The following PTPRM variants were observed in gnomAD, a reference collection of about 807,000 sequenced individuals.
PTPRM encodes the protein protein tyrosine phosphatase receptor type M, also known as receptor-type tyrosine-protein phosphatase mu.
In PTPRM, 47 loss-of-function variants were observed where a neutral mutation model predicts 186.7. That is an observed-to-expected ratio of 0.25 (90% CI 0.20 to 0.32). PTPRM has a LOEUF of 0.32. Ranked by LOEUF, PTPRM falls within the 10% of genes least tolerant of loss-of-function variation. The pLI, the probability that PTPRM is intolerant of heterozygous loss-of-function variation, is 1.00. For synonymous variants in PTPRM, 668 were observed against 674.9 expected, an observed-to-expected ratio of 0.99 and a Z score of 0.16; for missense variants, 1,494 against 1,865.0, an observed-to-expected ratio of 0.80 and a Z score of 3.66.
At chr18:7,618,564 A>C (rs2037861787) in intron 1 of PTPRM, among the ~76,000 whole-genome samples, 4 of 152,186 alleles carry the variant, frequency 2.6e-5, no homozygotes, top group South Asian at 2.1e-4. Context: ...AAAAAAACCC[A>C]AAAATAAATC....
chr18:7,794,608 A>C (rs1338701453), intron 2 of PTPRM, among the ~76,000 whole-genome samples: 1 of 152,232 alleles, frequency 6.6e-6, no homozygotes, highest in Non-Finnish European at 1.5e-5. Flanking sequence ...GAGTAAGATT[A>C]AAAGTAGAAT....
chr18:8,243,353 A>AT (rs553058214), intron 14 of PTPRM, among the ~76,000 whole-genome samples: 87 of 152,142 alleles, frequency 5.7e-4, no homozygotes, highest in South Asian at 1.9e-3. Context: ...GCGACATGAC[A>AT]TTTTTTAACC....
intron 1 of PTPRM, among the ~76,000 whole-genome samples, chr18:7,609,271 T>G (rs1056009925): frequency 5.9e-5 from 9 of 152,176 alleles, no homozygotes; most frequent in Non-Finnish European, 1.2e-4. Context: ...TTTGCATAGC[T>G]GTAAATGATG....
chr18:7,648,256 T>G (rs1349438598), intron 1 of PTPRM, among the ~76,000 whole-genome samples: 2 of 152,186 alleles, frequency 1.3e-5, no homozygotes, highest in Admixed American at 1.3e-4. Flanking sequence ...TTTTCACTCC[T>G]CTGCTGCTGG....
chr18:8,285,702 C>A lies in PTPRM; in HGVS notation c.2755-10666C>A, dbSNP rs181621754. Among the ~76,000 whole-genome samples the A allele has an allele frequency of 1.8e-4, 28 of 152,264 alleles. No homozygotes were observed. In the East Asian group the frequency reaches 2.7e-3, roughly 15 times the overall value. ...ATTATCTTTACCTGAGGAAAGAGTT[C>A]TTGGCTTGGCTGGGCGTGGTGGCTC... On this transcript the variant is annotated intron_variant, in intron 19 of 32. Coordinates refer to ENST00000580170, the MANE Select transcript of PTPRM (RefSeq NM_001105244.2).
chr18:7,665,819 G>C (rs1330487850), intron 1 of PTPRM, among the ~76,000 whole-genome samples: 3 of 152,048 alleles, frequency 2.0e-5, no homozygotes, highest in African/African-American at 7.2e-5. Context: ...ATGCTCAGGA[G>C]GCTGAGGCAG....
chr18:7,920,821 G>A (rs2050817973), intron 4 of PTPRM, among the ~76,000 whole-genome samples: 2 of 152,002 alleles, frequency 1.3e-5, no homozygotes, highest in South Asian at 4.2e-4. Flanking sequence ...TGTTTGTCTG[G>A]GAAAGACTTT....
intron 1 of PTPRM, among the ~76,000 whole-genome samples, chr18:7,594,543 G>T (rs769038610): frequency 1.3e-5 from 2 of 152,042 alleles, no homozygotes; most frequent in Non-Finnish European, 2.9e-5. Context: ...TCACATCAGG[G>T]TGAAAAAGTA....
At chr18:8,021,896 A>T (rs2085259496) in intron 7 of PTPRM, among the ~76,000 whole-genome samples, 1 of 152,116 alleles carries the variant, frequency 6.6e-6, no homozygotes, top group African/African-American at 2.4e-5. Context: ...TTTTGTTCTA[A>T]CATCTCAGTA....
chr18:7,716,149 G>A (rs2040325574), intron 1 of PTPRM, among the ~76,000 whole-genome samples: 1 of 152,096 alleles, frequency 6.6e-6, no homozygotes, highest in African/African-American at 2.4e-5. Context: ...CATGGTTCTG[G>A]TACCAAAACA....
At chr18:8,097,651 A>C (rs1364976692) in intron 11 of PTPRM, among the ~76,000 whole-genome samples, 1 of 152,196 alleles carries the variant, frequency 6.6e-6, no homozygotes, top group Non-Finnish European at 1.5e-5. Flanking sequence ...ATGTGACAGA[A>C]GGATGAAATC....
intron 2 of PTPRM, among the ~76,000 whole-genome samples, chr18:7,788,561 G>T (rs2043194530): frequency 1.3e-5 from 2 of 152,136 alleles, no homozygotes; most frequent in Non-Finnish European, 2.9e-5. Flanking sequence ...CATATATATT[G>T]TAATGATGAA....
At chr18:8,104,646 C>T (rs1352612734) in intron 11 of PTPRM, among the ~76,000 whole-genome samples, 4 of 152,042 alleles carry the variant, frequency 2.6e-5, no homozygotes, top group African/African-American at 4.8e-5. Flanking sequence ...CAGGGTCTCA[C>T]TATCTTGCAC....
intron 19 of PTPRM, among the ~76,000 whole-genome samples, chr18:8,285,044 A>C (rs1291638902): frequency 6.6e-6 from 1 of 152,154 alleles, no homozygotes; most frequent in Admixed American, 6.5e-5. Flanking sequence ...TGGAGTTTAT[A>C]GTCTGGGGAG....
intron 1 of PTPRM, among the ~76,000 whole-genome samples, chr18:7,762,593 T>C (rs947325542): frequency 3.9e-5 from 6 of 152,068 alleles, no homozygotes; most frequent in African/African-American, 1.4e-4. Context: ...GGAGAGAGCA[T>C]TTTCAGCTGT....
chr18:8,215,374 T>C (rs980359423), intron 14 of PTPRM, among the ~76,000 whole-genome samples: 2 of 151,970 alleles, frequency 1.3e-5, no homozygotes, highest in Non-Finnish European at 2.9e-5. Context: ...AAGATACTTA[T>C]AAAAGCATCT....
At chr18:7,572,141 T>A (rs2036579644) in intron 1 of PTPRM, among the ~76,000 whole-genome samples, 1 of 152,202 alleles carries the variant, frequency 6.6e-6, no homozygotes, top group African/African-American at 2.4e-5. Flanking sequence ...TGCTTGAGCA[T>A]AATAAATTGT....
At chr18:8,400,608 C>G (rs1199252627) in intron 32 of PTPRM, among the ~76,000 whole-genome samples, 1 of 152,182 alleles carries the variant, frequency 6.6e-6, no homozygotes, top group Non-Finnish European at 1.5e-5. Context: ...TCGCCGCCCC[C>G]TCCCCCTCCG....
intron 14 of PTPRM, among the ~76,000 whole-genome samples, chr18:8,151,821 G>A (rs1600861215): frequency 6.6e-6 from 1 of 152,036 alleles, no homozygotes; most frequent in East Asian, 1.9e-4. Context: ...TCTGTGGGTT[G>A]TGAAGACCAT....
Sources: allele counts gnomAD v4.1 joint callset (sites outside exome capture counted in the v4.1 genomes callset), GRCh38; gene constraint gnomAD v4.1.1; transcripts MANE v1.5; gene names NCBI Gene and HGNC (gene_info 2026-07-23, HGNC 2026-07-21).